PAPSS1: variants seen among roughly 807,000 people sequenced by gnomAD.
The protein encoded by PAPSS1 is 3'-phosphoadenosine 5'-phosphosulfate synthase 1, also known as bifunctional 3'-phosphoadenosine 5'-phosphosulfate synthase 1.
In PAPSS1, 50 loss-of-function variants were observed where a neutral mutation model predicts 72.0. That is an observed-to-expected ratio of 0.69 (90% CI 0.55 to 0.88). The LOEUF (loss-of-function observed/expected upper bound fraction) is 0.88. Ranked by LOEUF, PAPSS1 falls within the 40% of genes least tolerant of loss-of-function variation. The pLI, the probability that PAPSS1 is intolerant of heterozygous loss-of-function variation, is 0.00. For missense variants in PAPSS1, 657 were observed against 782.2 expected (o/e 0.84, Z 1.91); for synonymous variants, 261 against 263.6 (o/e 0.99, Z 0.09).
intron 5 of PAPSS1, among the ~76,000 whole-genome samples, chr4:107,661,553 ACTG>A (rs1233564912): frequency 5.9e-5 from 9 of 152,220 alleles, no homozygotes; most frequent in African/African-American, 2.2e-4. Flanking sequence ...TTAAGTGAGA[ACTG>A]CTAAGTGAAA....
intron 5 of PAPSS1, among the ~76,000 whole-genome samples, chr4:107,668,913 T>C (rs1326965709): frequency 6.6e-6 from 1 of 152,202 alleles, no homozygotes; most frequent in Non-Finnish European, 1.5e-5. Flanking sequence ...TTTTACATAA[T>C]GCTGGTTAAT....
chr4:107,699,541 T>C (rs1281919490), intron 2 of PAPSS1, among the ~76,000 whole-genome samples: 1 of 151,958 alleles, frequency 6.6e-6, no homozygotes, highest in African/African-American at 2.4e-5. Flanking sequence ...ATTATCCACA[T>C]GGAAAAAAAC....
Position 107,653,538 on chromosome 4 carries a change from C to T in PAPSS1, c.1190G>A (p.Arg397His), listed in dbSNP as rs752845649. The T allele has an allele frequency of 8.1e-6, 13 of 1,612,208 alleles. No individual in the cohort carries two copies. In the East Asian group the frequency reaches 8.9e-5, roughly 11 times the overall value. ...CTGCTTTAGCTCAGTAGGAGTAAGA[C>T]GATACTGATCAAGACCATCATTCCA... ...VYWNDGLDQY[R>H]LTPTELKQKF... The change falls in exon 9 of 12, where the codon CGT becomes CAT. Residue 397 changes from arginine to histidine, a missense_variant. By Grantham distance (29) the Arg-to-His change is conservative. This residue lies in a region of PAPSS1 where 166 missense variants were observed against 228.3 expected (regional missense o/e 0.73). Transcript: ENST00000265174.
rs145366469 is a variant in PAPSS1 at position 107,644,430 on chromosome 4, C to T, written c.1506+372G>A. Among the ~76,000 whole-genome samples the T allele has an allele frequency of 1.5e-4, 23 of 152,284 alleles. No individual in the cohort carries two copies. The East Asian group carries it at 4.1e-3, about 27-fold the overall frequency. On this transcript the variant is annotated intron_variant, in intron 10 of 11. Coordinates refer to ENST00000265174, the MANE Select transcript of PAPSS1 (RefSeq NM_005443.5). ...GGCTTTGCCCAGCTCCCCTCTTTAA[C>T]AAAGACCTAGAACTCTGGTAACGGG...
intron 3 of PAPSS1, among the ~76,000 whole-genome samples, chr4:107,690,950 T>G (rs1364192912): frequency 6.6e-6 from 1 of 152,162 alleles, no homozygotes; most frequent in Non-Finnish European, 1.5e-5. Flanking sequence ...AATGCCAATA[T>G]CATATTTTTA....
intron 3 of PAPSS1, among the ~76,000 whole-genome samples, chr4:107,690,893 C>T (rs1288350531): frequency 6.6e-6 from 1 of 152,006 alleles, no homozygotes; most frequent in Non-Finnish European, 1.5e-5. Flanking sequence ...GTATTATAGA[C>T]CTCCCCCTTT....
intron 5 of PAPSS1, among the ~76,000 whole-genome samples, chr4:107,681,293 C>A (rs963031727): frequency 6.6e-6 from 1 of 152,050 alleles, no homozygotes; most frequent in African/African-American, 2.4e-5. Flanking sequence ...GACAAGGTGA[C>A]AGGGTAATCA....
intron 1 of PAPSS1, among the ~76,000 whole-genome samples, chr4:107,707,017 T>G (rs1219480447): frequency 6.6e-6 from 1 of 152,230 alleles, no homozygotes; most frequent in East Asian, 1.9e-4. Flanking sequence ...GGTGCTGGCC[T>G]GGAACCTGGG....
intron 5 of PAPSS1, among the ~76,000 whole-genome samples, chr4:107,677,949 C>T (rs1234999773): frequency 6.6e-6 from 1 of 152,132 alleles, no homozygotes; most frequent in East Asian, 1.9e-4. Context: ...AAAAACCAAA[C>T]ACCACACGTT....
At chr4:107,679,782 C>T (rs1376780886) in intron 5 of PAPSS1, among the ~76,000 whole-genome samples, 1 of 151,592 alleles carries the variant, frequency 6.6e-6, no homozygotes, top group East Asian at 1.9e-4. Context: ...CAGATTCAAG[C>T]ACTCCTCAAG....
At chr4:107,704,027 A>G (rs1309752262) in intron 1 of PAPSS1, among the ~76,000 whole-genome samples, 2 of 152,100 alleles carry the variant, frequency 1.3e-5, no homozygotes, top group East Asian at 1.9e-4. Context: ...TTTTTCATCA[A>G]TGTTTCACAG....
chr4:107,618,183 G>C (rs1365486902), intron 11 of PAPSS1, among the ~76,000 whole-genome samples: 2 of 152,152 alleles, frequency 1.3e-5, no homozygotes, highest in African/African-American at 4.8e-5. Context: ...ATTATATGTA[G>C]TCATGGAAGA....
At chr4:107,646,292 G>T (rs965304505) in intron 9 of PAPSS1, among the ~76,000 whole-genome samples, 2 of 142,890 alleles carry the variant, frequency 1.4e-5, no homozygotes, top group East Asian at 4.0e-4. Context: ...TAGAACTACA[G>T]ATATATATAT....
At chr4:107,706,047 T>TTA (rs1174439430) in intron 1 of PAPSS1, among the ~76,000 whole-genome samples, 1 of 152,226 alleles carries the variant, frequency 6.6e-6, no homozygotes, top group Non-Finnish European at 1.5e-5. Context: ...TGGAACTCCC[T>TTA]TGTATGTGAT....
In PAPSS1 at chr4:107,679,001, C is replaced by A. The variant is rs541967388; in HGVS notation, c.669+3014G>T. On this transcript the variant is annotated intron_variant, in intron 5 of 11. Transcript: ENST00000265174. The stretch of plus-strand genomic sequence containing the variant: ...ATTCATACAAACCAGGTAGCCAGTA[C>A]AAAACAGATATAAAACATGCTAATG... Among the ~76,000 whole-genome samples, 53 of 152,118 alleles carry A rather than the reference C, an allele frequency of 3.5e-4. 2 individuals carry two copies. The South Asian group carries it at 0.011, about 32-fold the overall frequency.
intron 5 of PAPSS1, 108 bp from the exon 6 acceptor site, chr4:107,660,180 T>A (rs1250284806): frequency 2.5e-5 from 15 of 601,110 alleles, no homozygotes; most frequent in African/African-American, 3.8e-5. Flanking sequence ...AAAAGTAGCA[T>A]AAAAGAAGGC....
At chr4:107,698,434 A>G (rs978784432) in intron 2 of PAPSS1, among the ~76,000 whole-genome samples, 2 of 152,170 alleles carry the variant, frequency 1.3e-5, no homozygotes, top group African/African-American at 4.8e-5. Flanking sequence ...GAAAACTACA[A>G]GTTTTCCAGG....
intron 1 of PAPSS1, among the ~76,000 whole-genome samples, chr4:107,716,091 T>C (rs780625992): frequency 6.6e-6 from 1 of 152,216 alleles, no homozygotes; most frequent in Non-Finnish European, 1.5e-5. Flanking sequence ...CCGAGCTACT[T>C]TGCATCTGCC....
intron 7 of PAPSS1, among the ~76,000 whole-genome samples, 182 bp from the exon 8 acceptor site, chr4:107,655,082 G>T (rs1726964352): frequency 7.3e-6 from 1 of 137,118 alleles, no homozygotes; most frequent in Non-Finnish European, 1.5e-5. Flanking sequence ...AGGTCAGGGA[G>T]AATGAGCAAC....
Sources: gnomAD v4.1 joint callset for allele counts (sites outside exome capture counted in the v4.1 genomes callset) on GRCh38, gnomAD v4.1.1 for gene constraint, gnomAD v4.1.1 regional missense constraint, MANE v1.5 for transcripts, NCBI Gene and HGNC (gene_info 2026-07-23, HGNC 2026-07-21) for gene names.